The following CTNNAL1 variants were observed in gnomAD, a reference collection of about 807,000 sequenced individuals.
CTNNAL1 encodes the protein catenin alpha like 1.
A neutral mutation model predicts 93.6 loss-of-function variants in CTNNAL1; 69 were observed. The ratio of observed to expected loss-of-function variants is 0.74; its 90% CI spans 0.61 to 0.90. CTNNAL1 has a LOEUF of 0.90. Ranked by LOEUF, CTNNAL1 falls within the 40% of genes least tolerant of loss-of-function variation. CTNNAL1 has a pLI of 0.00. For synonymous variants in CTNNAL1, 286 were observed against 305.4 expected (o/e 0.94, Z 0.66); for missense variants, 836 against 862.0 (o/e 0.97, Z 0.38).
chr9:108,977,285 T>C, intron 7 of CTNNAL1: 1 of 266,382 alleles, frequency 3.8e-6, no homozygotes, highest in East Asian at 7.3e-5. Context: ...TTTATTTTTC[T>C]GTGAACCTAT....
intron 1 of CTNNAL1, 104 bp from the exon 2 acceptor site, chr9:108,999,360 T>C (rs971656086): frequency 1.0e-5 from 11 of 1,078,818 alleles, no homozygotes; most frequent in African/African-American, 4.8e-5. Flanking sequence ...TATAGCTCAA[T>C]AGACTAAATC....
intron 15 of CTNNAL1, among the ~76,000 whole-genome samples, chr9:108,944,961 C>A (rs1830358477): frequency 1.3e-5 from 2 of 152,186 alleles, no homozygotes. Flanking sequence ...AGACTCCAAC[C>A]AAATGAAATG....
chr9:108,979,164 C>G (rs558220637), intron 7 of CTNNAL1, 117 bp downstream of exon 7: 168 of 1,271,378 alleles, frequency 1.3e-4, no homozygotes, highest in Middle Eastern at 4.9e-4. Context: ...ATGAGATATC[C>G]TGTCCCATTC....
chr9:108,970,170 T>A (rs544057928), intron 10 of CTNNAL1, among the ~76,000 whole-genome samples: 2 of 152,364 alleles, frequency 1.3e-5, no homozygotes, highest in South Asian at 4.1e-4. Flanking sequence ...TTAAAATAGA[T>A]ATAAACTAGA....
intron 12 of CTNNAL1, among the ~76,000 whole-genome samples, chr9:108,952,708 A>G (rs1830597647): frequency 6.6e-6 from 1 of 152,202 alleles, no homozygotes; most frequent in Non-Finnish European, 1.5e-5. Context: ...AGCCAGAGAA[A>G]GCAAGTCAGT....
At chr9:108,970,818 GA>G (rs548573443) in intron 9 of CTNNAL1, among the ~76,000 whole-genome samples, 14 of 147,304 alleles carry the variant, frequency 9.5e-5, no homozygotes, top group African/African-American at 1.5e-4. Flanking sequence ...AGAAATTTGG[GA>G]AAAAAAAAAG....
intron 2 of CTNNAL1, among the ~76,000 whole-genome samples, chr9:108,994,036 C>T (rs1218540482): frequency 6.6e-6 from 1 of 152,120 alleles, no homozygotes; most frequent in African/African-American, 2.4e-5. Context: ...TCAAGACAAG[C>T]CTGGCCAACA....
At chr9:108,995,998 A>G (rs1160431160) in intron 2 of CTNNAL1, among the ~76,000 whole-genome samples, 2 of 151,390 alleles carry the variant, frequency 1.3e-5, no homozygotes, top group African/African-American at 2.4e-5. Flanking sequence ...TCTCTCTGTC[A>G]TCTCCCAGGC....
In CTNNAL1 at chr9:108,981,487, A is replaced by C. The variant is rs546965280; in HGVS notation, c.900+1658T>G. 1.0e-4 allele frequency among the ~76,000 whole-genome samples: 14 copies of C among 134,398 alleles called. No homozygotes were observed. In the South Asian group the frequency reaches 2.9e-3, roughly 28 times the overall value. 88.2% of individuals were successfully genotyped at this position (134,398 alleles called of 152,430 possible). ...CTCAAAAAAAAAAGACAAAAAACAA[A>C]AAAAAAAAAAACAGTATATAATTAT... On this transcript the variant is annotated intron_variant, in intron 6 of 18. Transcript: ENST00000325551.
intron 2 of CTNNAL1, among the ~76,000 whole-genome samples, chr9:108,996,809 T>C (rs1167420206): frequency 6.6e-6 from 1 of 152,176 alleles, no homozygotes; most frequent in Non-Finnish European, 1.5e-5. Flanking sequence ...GTCCATTATG[T>C]AATGTCTGTT....
chr9:108,972,236 G>A (rs542731023), intron 9 of CTNNAL1, among the ~76,000 whole-genome samples: 56 of 152,160 alleles, frequency 3.7e-4, no homozygotes, highest in Non-Finnish European at 6.2e-4. Context: ...GCTACCACTC[G>A]CCCCAATTAC....
At chr9:108,962,956 A>G (rs1830856963) in intron 11 of CTNNAL1, among the ~76,000 whole-genome samples, 1 of 152,244 alleles carries the variant, frequency 6.6e-6, no homozygotes, top group Non-Finnish European at 1.5e-5. Context: ...CTGTATTTCA[A>G]CTTCTACCCA....
At chr9:108,986,879 GT>G (rs1191497995) in intron 4 of CTNNAL1, among the ~76,000 whole-genome samples, 8 of 151,942 alleles carry the variant, frequency 5.3e-5, no homozygotes, top group African/African-American at 1.7e-4. Context: ...GGGGTTGTTT[GT>G]TTTTTTCTTG....
intron 2 of CTNNAL1, 105 bp downstream of exon 2, chr9:108,998,962 A>T (rs1157507011): frequency 7.6e-7 from 1 of 1,315,764 alleles, no homozygotes; most frequent in East Asian, 2.5e-5. Context: ...AGGCAGACAT[A>T]ATCAAAGAGC....
intron 8 of CTNNAL1, among the ~76,000 whole-genome samples, chr9:108,975,579 C>T (rs1274826503): frequency 3.9e-5 from 6 of 152,176 alleles, no homozygotes; most frequent in Non-Finnish European, 7.4e-5. Flanking sequence ...ATCTTCCCAG[C>T]TCTATCTAGT....
At chr9:108,952,587 G>A in intron 12 of CTNNAL1, 93 bp from the exon 13 acceptor site, 1 of 1,480,260 alleles carries the variant, frequency 6.8e-7, no homozygotes. Context: ...CAAAGTACTT[G>A]TAACAAAAGT....
At chr9:109,002,557 A>G (rs1269875555) in intron 1 of CTNNAL1, among the ~76,000 whole-genome samples, 5 of 152,228 alleles carry the variant, frequency 3.3e-5, no homozygotes, top group Non-Finnish European at 5.9e-5. Context: ...GATCTAACTA[A>G]GGAGACGTCA....
rs749726250 is a variant in CTNNAL1 at position 108,990,815 on chromosome 9, C to G, written c.550G>C (p.Val184Leu). 2.5e-6 allele frequency: 4 copies of G among 1,613,476 alleles called. No homozygotes were observed. The highest frequency in any genetic ancestry group is 3.4e-6 in the Non-Finnish European group (4 of 1,179,838). ...TGGACAAACTCTTGAAAGCTATTCA[C>G]TTTCTCTAGTCTTTCCATAGTTGCG... Reference protein sequence around the residue: ...VLATMERLEKVNSFQEFVQIF... With the variant: ...VLATMERLEKLNSFQEFVQIF... The change falls in exon 4 of 19, where the codon GTG (valine) becomes CTG (leucine). Residue 184 changes from valine to leucine, a missense_variant. Transcript: ENST00000325551.
chr9:108,952,366 A>T lies in CTNNAL1; in HGVS notation c.1681-3T>A. On this transcript the variant is annotated splice_polypyrimidine_tract_variant and splice_region_variant and intron_variant, in intron 13 of 18. Coordinates refer to ENST00000325551, the MANE Select transcript of CTNNAL1 (RefSeq NM_003798.4). Reference sequence around the variant, plus strand: ...AGCTTTGCTATCTTGGCTTGCTCCTATGAAACAGACGTTTTAATCACAACG... The same window carrying T: ...AGCTTTGCTATCTTGGCTTGCTCCTTTGAAACAGACGTTTTAATCACAACG... 3 of 1,614,172 alleles carry T rather than the reference A, an allele frequency of 1.9e-6. No homozygotes were observed. The highest frequency in any genetic ancestry group is 2.5e-6 in the Non-Finnish European group (3 of 1,180,030).
Sources: allele counts gnomAD v4.1 joint callset (sites outside exome capture counted in the v4.1 genomes callset), GRCh38; gene constraint gnomAD v4.1.1; transcripts MANE v1.5; gene names NCBI Gene and HGNC (gene_info 2026-07-23, HGNC 2026-07-21).